IL10RB: variants seen among roughly 807,000 people sequenced by gnomAD.
IL10RB encodes the protein interleukin-10 receptor subunit beta.
In IL10RB, 30 loss-of-function variants were observed where a neutral mutation model predicts 38.7. The ratio of observed to expected loss-of-function variants is 0.78; its 90% CI spans 0.58 to 1.05. The LOEUF (loss-of-function observed/expected upper bound fraction) is 1.05. IL10RB is among the 50% of genes least tolerant of loss of function. The pLI is 0.00. For synonymous variants in IL10RB, 142 were observed against 145.9 expected (o/e 0.97, Z 0.19); for missense variants, 328 against 397.1 (o/e 0.83, Z 1.48).
At chr21:33,273,180 G>C (rs1163218684) in intron 2 of IL10RB, among the ~76,000 whole-genome samples, 1 of 152,136 alleles carries the variant, frequency 6.6e-6, no homozygotes, top group African/African-American at 2.4e-5. Context: ...CTGTAAACCT[G>C]TACAGCATGT....
At chr21:33,306,254 T>C (rs1010757740) in intron 1 of IL10RB, among the ~76,000 whole-genome samples, 6 of 152,144 alleles carry the variant, frequency 3.9e-5, no homozygotes, top group African/African-American at 1.2e-4. Flanking sequence ...GAAAAGAATA[T>C]AAGAACAGAG....
At position 33,283,106 on chromosome 21, in the gene IL10RB, C is replaced by T. The variant is rs752902509; in HGVS notation, c.511C>T (p.Pro171Ser). Residue 171 changes from proline (P) to serine (S), a missense_variant, in exon 5 of 7, where the codon CCC (proline) becomes TCC (serine). Physicochemically the swap from Pro to Ser is moderately conservative, Grantham distance 74. Transcript: ENST00000290200. ...TCTCCATTACTAGTTTCAAATTACT[C>T]CCCAGTATGACTTTGAGGTCCTCAG... The part of the protein sequence containing the change: ...NGTDEKFQIT[P>S]QYDFEVLRNL... The T allele has an allele frequency of 1.9e-6, 3 of 1,612,774 alleles. No individual in the cohort carries two copies. Among genetic ancestry groups the T allele is most frequent in the South Asian group, 1.1e-5 (1 of 91,052 alleles).
At chr21:33,270,493 G>A (rs565522898) in intron 2 of IL10RB, among the ~76,000 whole-genome samples, 9 of 151,278 alleles carry the variant, frequency 5.9e-5, no homozygotes, top group Admixed American at 1.3e-4. Context: ...CCATTCTCCT[G>A]CCTCAGCCTC....
chr21:33,267,502 G>GTTTGTTTTTTTTTTTT (rs1477718652), intron 1 of IL10RB, among the ~76,000 whole-genome samples: 8 of 102,708 alleles, frequency 7.8e-5, no homozygotes, highest in African/African-American at 3.0e-4. Context: ...TTGTTTGTTT[G>GTTTGTTTTTTTTTTTT]TTTTTTTGTT....
chr21:33,278,261 C>T (rs367709669), intron 3 of IL10RB, among the ~76,000 whole-genome samples: 22 of 151,902 alleles, frequency 1.4e-4, no homozygotes, highest in Non-Finnish European at 3.1e-4. Flanking sequence ...GTCTTTATGC[C>T]GGTCCCTGCT....
At chr21:33,282,686 C>T (rs1015506884) in intron 4 of IL10RB, among the ~76,000 whole-genome samples, 2 of 152,042 alleles carry the variant, frequency 1.3e-5, no homozygotes, top group Non-Finnish European at 2.9e-5. Context: ...CAAGTTCAAG[C>T]GATTCTCGTG....
At position 33,268,435 on chromosome 21, in the gene IL10RB, TC is replaced by T; in HGVS notation, c.92del (p.Ser31LeufsTer20). 1.9e-6 allele frequency: 3 copies of T among 1,614,126 alleles called. No homozygotes were observed. The highest frequency in any genetic ancestry group is 2.5e-6 in the Non-Finnish European group (3 of 1,179,928). On this transcript the variant is annotated frameshift_variant, in exon 2 of 7. Transcript: ENST00000290200. LOFTEE classifies it high-confidence loss of function. ...ACCTCCCGAAAATGTCAGAATGAATTCTGTTAATTTCAAGAACATTCTACAG... is the reference window on the plus strand; with the variant it reads ...ACCTCCCGAAAATGTCAGAATGAATTTGTTAATTTCAAGAACATTCTACAG... ...VPPPENVRMN[S>X]VNFKNILQWE...
intron 1 of IL10RB, among the ~76,000 whole-genome samples, chr21:33,304,092 G>T (rs2082992597): frequency 6.6e-6 from 1 of 152,232 alleles, no homozygotes; most frequent in Non-Finnish European, 1.5e-5. Flanking sequence ...AAGGTGCCCA[G>T]CTTGGTGACC....
At chr21:33,298,918 G>A (rs543316701), downstream of IL10RB, among the ~76,000 whole-genome samples, 1 of 152,316 alleles carries the variant, frequency 6.6e-6, no homozygotes, top group South Asian at 2.1e-4. Flanking sequence ...GTGTGCAGGT[G>A]TCATGGTGCT....
chr21:33,270,917 C>T (rs1284336931), intron 2 of IL10RB, among the ~76,000 whole-genome samples: 2 of 151,772 alleles, frequency 1.3e-5, no homozygotes, highest in Non-Finnish European at 3.0e-5. Flanking sequence ...TCAAGTGATC[C>T]ACCTGCCTCA....
chr21:33,276,535 T>A (rs1195413546), intron 2 of IL10RB, 61 bp from the exon 3 acceptor site: 5 of 1,401,548 alleles, frequency 3.6e-6, no homozygotes, highest in Non-Finnish European at 3.0e-6. Context: ...TAAGTACCAG[T>A]CAGCCTCAGG....
At chr21:33,281,479 C>T (rs1042937129) in intron 4 of IL10RB, among the ~76,000 whole-genome samples, 1 of 152,200 alleles carries the variant, frequency 6.6e-6, no homozygotes, top group African/African-American at 2.4e-5. Context: ...CCTCTCTCTT[C>T]GGCCAGTTGT....
At chr21:33,267,100 C>T (rs529938357) in intron 1 of IL10RB, among the ~76,000 whole-genome samples, 2 of 152,168 alleles carry the variant, frequency 1.3e-5, no homozygotes, top group African/African-American at 2.4e-5. Context: ...CCATTGAAAC[C>T]TTTTCTGTCC....
chr21:33,308,504 T>C (rs575580442), intron 1 of IL10RB: 4 of 152,366 alleles, frequency 2.6e-5, no homozygotes, highest in African/African-American at 9.6e-5. Flanking sequence ...TAAGAACTGC[T>C]GATGAGGACA....
intron 1 of IL10RB, among the ~76,000 whole-genome samples, chr21:33,305,608 T>A (rs2082997163): frequency 6.6e-6 from 1 of 152,028 alleles, no homozygotes; most frequent in Non-Finnish European, 1.5e-5. Flanking sequence ...AACAATACAG[T>A]AGCAATAGTG....
intron 1 of IL10RB, among the ~76,000 whole-genome samples, chr21:33,267,384 C>T (rs975871339): frequency 6.6e-6 from 1 of 151,944 alleles, no homozygotes; most frequent in Non-Finnish European, 1.5e-5. Context: ...TTATATCTCT[C>T]TTGGTACCAG....
chr21:33,287,441 C>T (rs920001133), intron 5 of IL10RB, among the ~76,000 whole-genome samples: 1 of 152,082 alleles, frequency 6.6e-6, no homozygotes, highest in Non-Finnish European at 1.5e-5. Flanking sequence ...CTATCACAGC[C>T]TCGACCTCCC....
downstream of IL10RB, among the ~76,000 whole-genome samples, chr21:33,300,042 GA>G (rs2082981800): frequency 2.0e-5 from 3 of 152,130 alleles, no homozygotes; most frequent in Admixed American, 2.0e-4. Context: ...GCTCACCACT[GA>G]CCACCTGGGA....
rs566336372 is a variant in IL10RB at position 33,267,360 on chromosome 21, C to T, written c.49+846C>T. On this transcript the variant is annotated intron_variant, in intron 1 of 6. Transcript: ENST00000290200. ...TGGCATTAAACACGGGCTATAGGCC[C>T]ATGACTCGCACATTTATATCTCTCT... 3.9e-5 allele frequency among the ~76,000 whole-genome samples: 6 copies of T among 152,146 alleles called. No homozygotes were observed. The South Asian group carries it at 1.2e-3, about 32-fold the overall frequency.
Sources: allele counts gnomAD v4.1 joint callset (sites outside exome capture counted in the v4.1 genomes callset), GRCh38; gene constraint gnomAD v4.1.1; transcripts MANE v1.5; gene names NCBI Gene and HGNC (gene_info 2026-07-23, HGNC 2026-07-21).